The following SYNRG variants were observed in gnomAD, a reference collection of about 807,000 sequenced individuals.
SYNRG encodes the protein AP1 gamma subunit binding protein 1.
Under a neutral mutation model 130.9 loss-of-function variants are expected in SYNRG, and 37 were observed. The observed-to-expected ratio is 0.28, with a 90% CI of 0.22 to 0.37. The LOEUF is 0.37. Ranked by LOEUF, SYNRG falls within the 10% of genes least tolerant of loss-of-function variation. The probability of loss-of-function intolerance (pLI) is 1.00; values close to 1 mark genes in which losing one functional copy is unlikely to be tolerated. For synonymous variants in SYNRG, 539 were observed against 568.1 expected, an observed-to-expected ratio of 0.95 and a Z score of 0.73; for missense variants, 1,338 against 1,588.9, an observed-to-expected ratio of 0.84 and a Z score of 2.68.
Position 37,586,347 on chromosome 17 carries a change from G to A in SYNRG, c.371+72C>T, listed in dbSNP as rs558150929. On this transcript the variant is annotated intron_variant, in intron 4 of 21. Transcript: ENST00000612223. ...GTTTTAGTTTCAAATCTGCACTAGA[G>A]ATCATTAGACAATTCTTAAGATAGA... The A allele has an allele frequency of 8.2e-6, 13 of 1,583,328 alleles. No homozygotes were observed. In the South Asian group the frequency reaches 9.1e-5, roughly 11 times the overall value.
At chr17:37,608,835 T>G (rs1291351259) in intron 1 of SYNRG, among the ~76,000 whole-genome samples, 1 of 152,112 alleles carries the variant, frequency 6.6e-6, no homozygotes, top group Non-Finnish European at 1.5e-5. Flanking sequence ...ACACCCCCCT[T>G]GGAAACAGTC....
Position 37,561,758 on chromosome 17 carries a change from C to A in SYNRG, c.1482-169G>T, listed in dbSNP as rs527926437. Reference sequence around the variant, plus strand: ...ATATATACCACAAATAAAAAAAAAACCATGTCCTTTTTCAAAAAACAAAAC... The same window carrying A: ...ATATATACCACAAATAAAAAAAAAAACATGTCCTTTTTCAAAAAACAAAAC... On this transcript the variant is annotated intron_variant, in intron 11 of 21. Transcript: ENST00000612223. 3.5e-3 allele frequency among the ~76,000 whole-genome samples: 535 copies of A among 151,262 alleles called. 1 individual carries two copies. The highest frequency in any genetic ancestry group is 0.012 in the African/African-American group (499 of 41,240).
intron 14 of SYNRG, among the ~76,000 whole-genome samples, chr17:37,545,706 G>C (rs775475888): frequency 1.3e-5 from 2 of 152,074 alleles, no homozygotes; most frequent in Non-Finnish European, 2.9e-5. Context: ...AAGACTAAAT[G>C]AAAGACTAGG....
chr17:37,559,496 C>T (rs1343864386), intron 13 of SYNRG, among the ~76,000 whole-genome samples: 1 of 152,170 alleles, frequency 6.6e-6, no homozygotes, highest in African/African-American at 2.4e-5. Context: ...TTCAGACCAG[C>T]CTGGCCAACA....
chr17:37,542,499 GT>G lies in SYNRG; in HGVS notation c.2674del (p.Thr892GlnfsTer50). On this transcript the variant is annotated frameshift_variant, in exon 15 of 22. Transcript: ENST00000612223. LOFTEE classifies it high-confidence loss of function. ...YSSNFAVSTL[T>X]SYDWSDRDDA... ...ATCCCTGTCTGACCAGTCATAGCTT[GT>G]AAGTGTGCTCACTGCAAAATTGCTA... 6.2e-7 allele frequency: 1 copy of G among 1,613,494 alleles called. No individual in the cohort carries two copies. Among genetic ancestry groups the G allele is most frequent in the Non-Finnish European group, 8.5e-7 (1 of 1,180,030 alleles).
chr17:37,594,207 CAATATTAATTATTTTAATTATATT>C lies in SYNRG; in HGVS notation c.240+1992_240+2015del, dbSNP rs2062490879. ...TTAATTATTTTAATTATATTAATTA[CAATATTAATTATTTTAATTATATT>C]AATTACAATATTAATTATTTTAATT... On this transcript the variant is annotated intron_variant, in intron 3 of 21. Coordinates refer to ENST00000612223, the MANE Select transcript of SYNRG (RefSeq NM_007247.6). 2.2e-3 allele frequency among the ~76,000 whole-genome samples: 202 copies of C among 93,222 alleles called. 9 individuals carry two copies. In the East Asian group the frequency reaches 0.11, roughly 52 times the overall value. The allele number at this position is 93,222 out of a possible 152,430, so 61.2% of individuals were successfully genotyped here. A position where few individuals can be genotyped will look rare whatever the true frequency, so the allele number is the denominator to read the frequency against.
rs780781744 is a variant in SYNRG at position 37,542,474 on chromosome 17, A to G, written c.2700T>C (p.Asp900=). 4 of 1,614,012 alleles carry G rather than the reference A, an allele frequency of 2.5e-6. No homozygotes were observed. The South Asian group carries it at 4.4e-5, about 18-fold the overall frequency. Residue 900 remains aspartate (D), a synonymous_variant, in exon 15 of 22, where the codon GAT becomes GAC. Transcript: ENST00000612223. ...TLTSYDWSDR[D]DATQGRKLSP... Reference sequence around the variant, plus strand: ...AGAGTTTTCTGCCCTGAGTTGCATCATCCCTGTCTGACCAGTCATAGCTTG... The same window carrying G: ...AGAGTTTTCTGCCCTGAGTTGCATCGTCCCTGTCTGACCAGTCATAGCTTG...
At chr17:37,555,406 C>A (rs759718522) in intron 13 of SYNRG, among the ~76,000 whole-genome samples, 45 of 152,136 alleles carry the variant, frequency 3.0e-4, no homozygotes, top group Admixed American at 1.3e-3. Flanking sequence ...GGATTACAGG[C>A]GTGAGCTACA....
intron 11 of SYNRG, among the ~76,000 whole-genome samples, chr17:37,562,932 C>T (rs1400886035): frequency 2.6e-5 from 4 of 152,000 alleles, no homozygotes; most frequent in Non-Finnish European, 5.9e-5. Flanking sequence ...TGGTAAAAAT[C>T]TTTCTACTAA....
Position 37,561,251 on chromosome 17 carries a change from C to G in SYNRG, c.1607G>C (p.Gly536Ala). The G allele has an allele frequency of 6.2e-7, 1 of 1,613,602 alleles. No individual in the cohort carries two copies. The highest frequency in any genetic ancestry group is 8.5e-7 in the Non-Finnish European group (1 of 1,179,884). ...TTCTCTGAAAGCACTATATTTATCA[C>G]CAGGATCTATGATAGAAAGGACAGA... ...SENTVPPGDP[G>A]DKYSAFRELE... Residue 536 changes from glycine to alanine, a missense_variant, in exon 13 of 22, where the codon GGT becomes GCT. By Grantham distance (60) the Gly-to-Ala change is moderately conservative. Transcript: ENST00000612223.
At chr17:37,565,262 TAA>T (rs5820225) in intron 11 of SYNRG, among the ~76,000 whole-genome samples, 20 of 145,634 alleles carry the variant, frequency 1.4e-4, no homozygotes, top group East Asian at 9.9e-4. Flanking sequence ...GACTCCGTCT[TAA>T]AAAAAAAAAA....
chr17:37,582,561 TA>T (rs1324268391), intron 6 of SYNRG, among the ~76,000 whole-genome samples: 2 of 152,188 alleles, frequency 1.3e-5, no homozygotes, highest in African/African-American at 4.8e-5. Flanking sequence ...TAAAAAGAAG[TA>T]TAAAAGTTAA....
intron 3 of SYNRG, among the ~76,000 whole-genome samples, chr17:37,592,694 A>G (rs1271919690): frequency 1.3e-5 from 2 of 152,252 alleles, no homozygotes; most frequent in Admixed American, 1.3e-4. Context: ...TTCAATTTAT[A>G]TAACATTTTT....
At position 37,541,879 on chromosome 17, in the gene SYNRG, C is replaced by T. The variant is rs553026656; in HGVS notation, c.3202+93G>A. On this transcript the variant is annotated intron_variant, in intron 15 of 21. Transcript: ENST00000612223. Reference sequence around the variant, plus strand: ...AAAGATTAGAACAATCTATTTCCTGCGAAACCAGAGAGCAACATTTTATTC... The same window carrying T: ...AAAGATTAGAACAATCTATTTCCTGTGAAACCAGAGAGCAACATTTTATTC... The T allele has an allele frequency of 1.2e-5, 15 of 1,202,150 alleles. No individual in the cohort carries two copies. The Admixed American group carries it at 2.5e-4, about 20-fold the overall frequency. 74.5% of individuals were successfully genotyped at this position (1,202,150 alleles called of 1,614,324 possible).
In SYNRG at chr17:37,556,178, G is replaced by A. The variant is rs528065128; in HGVS notation, c.1664-2119C>T. Reference sequence around the variant, plus strand: ...AATATACTGTGCTTGGGCCAGGCACGGTGGCTCACGACTGTAATCCCTGCA... The same window carrying A: ...AATATACTGTGCTTGGGCCAGGCACAGTGGCTCACGACTGTAATCCCTGCA... On this transcript the variant is annotated intron_variant, in intron 13 of 21. Transcript: ENST00000612223. Among the ~76,000 whole-genome samples the A allele has an allele frequency of 2.3e-3, 354 of 152,058 alleles. 1 individual carries two copies. Among genetic ancestry groups the A allele is most frequent in the Non-Finnish European group, 2.6e-3 (176 of 67,970 alleles).
intron 19 of SYNRG, among the ~76,000 whole-genome samples, chr17:37,526,703 T>C (rs1169094687): frequency 2.6e-5 from 4 of 152,200 alleles, no homozygotes; most frequent in Non-Finnish European, 5.9e-5. Context: ...AGGTAGCATC[T>C]GCCACTCTCT....
At position 37,553,959 on chromosome 17, in the gene SYNRG, G is replaced by A. The variant is rs1221891090; in HGVS notation, c.1764C>T (p.Asp588=). 6.2e-7 allele frequency: 1 copy of A among 1,609,592 alleles called. No individual in the cohort carries two copies. Among genetic ancestry groups the A allele is most frequent in the Non-Finnish European group, 8.5e-7 (1 of 1,179,162 alleles). The part of the protein sequence containing the change: ...SVSPLEPPTK[D]KTFPPSFPSG... Reference sequence around the variant, plus strand: ...AGGGGAAGGATGGTGGAAAAGTTTTGTCTTTTGTTGGTGGCTCTAGTGGTG... The same window carrying A: ...AGGGGAAGGATGGTGGAAAAGTTTTATCTTTTGTTGGTGGCTCTAGTGGTG... Residue 588 remains aspartate, a synonymous_variant, in exon 14 of 22, where the codon GAC becomes GAT. Coordinates refer to ENST00000612223, the MANE Select transcript of SYNRG (RefSeq NM_007247.6).
rs780095097 is a variant in SYNRG, at chr17:37,577,450, T to C, written c.753A>G (p.Gly251=). The C allele has an allele frequency of 2.5e-6, 4 of 1,614,168 alleles. No individual in the cohort carries two copies. The highest frequency in any genetic ancestry group is 3.4e-6 in the Non-Finnish European group (4 of 1,180,032). The change falls in exon 7 of 22, where the codon GGA becomes GGG. Residue 251 remains glycine (G), a synonymous_variant. Coordinates refer to ENST00000612223, the MANE Select transcript of SYNRG (RefSeq NM_007247.6). ...LMASNGVAVD[G]CVSGTTTAEA... Reference sequence around the variant, plus strand: ...CTGCAGTGGTGGTACCACTTACACATCCATCTACAGCAACCCCGTTACTGG... The same window carrying C: ...CTGCAGTGGTGGTACCACTTACACACCCATCTACAGCAACCCCGTTACTGG...
At chr17:37,570,129 T>C (rs1454492524) in intron 10 of SYNRG, among the ~76,000 whole-genome samples, 6 of 150,162 alleles carry the variant, frequency 4.0e-5, no homozygotes, top group Non-Finnish European at 8.8e-5. Flanking sequence ...ATAGAAGATA[T>C]AGACATGCTG....
Sources: gnomAD v4.1 joint callset for allele counts (sites outside exome capture counted in the v4.1 genomes callset) on GRCh38, gnomAD v4.1.1 for gene constraint, MANE v1.5 for transcripts, NCBI Gene and HGNC (gene_info 2026-07-23, HGNC 2026-07-21) for gene names.